Variants in EFCAB14 observed in about 807,000 individuals in gnomAD.
The protein encoded by EFCAB14 is EF-hand calcium binding domain 14, also known as EF-hand calcium-binding domain-containing protein 14.
EFCAB14 carries 43 observed loss-of-function variants against 56.5 expected under a neutral mutation model. The ratio of observed to expected loss-of-function variants is 0.76; its 90% CI spans 0.60 to 0.98. The LOEUF (loss-of-function observed/expected upper bound fraction) is 0.98. Ranked by LOEUF, EFCAB14 falls within the 50% of genes least tolerant of loss-of-function variation. The pLI, the probability that EFCAB14 is intolerant of heterozygous loss-of-function variation, is 0.00. For missense variants in EFCAB14, 538 were observed against 580.3 expected, an observed-to-expected ratio of 0.93 and a Z score of 0.75; for synonymous variants, 235 against 212.9, an observed-to-expected ratio of 1.10 and a Z score of -0.90.
At chr1:46,702,667 C>T (rs569732712) in intron 3 of EFCAB14, among the ~76,000 whole-genome samples, 1 of 152,290 alleles carries the variant, frequency 6.6e-6, no homozygotes, top group Admixed American at 6.5e-5. Flanking sequence ...TGGCAGTTAT[C>T]GTCAATACCA....
chr1:46,691,219 T>C (rs1222690556), intron 5 of EFCAB14, among the ~76,000 whole-genome samples: 1 of 152,136 alleles, frequency 6.6e-6, no homozygotes, highest in African/African-American at 2.4e-5. Context: ...TAACAAATTA[T>C]CCCAAAGCTT....
intron 10 of EFCAB14, among the ~76,000 whole-genome samples, chr1:46,681,554 T>C (rs867939761): frequency 1.3e-5 from 2 of 152,206 alleles, no homozygotes; most frequent in African/African-American, 2.4e-5. Context: ...ACTCCTACAA[T>C]AGGTGCAGCA....
chr1:46,711,480 T>C (rs1042406734), intron 2 of EFCAB14, among the ~76,000 whole-genome samples: 1 of 152,154 alleles, frequency 6.6e-6, no homozygotes, highest in East Asian at 1.9e-4. Flanking sequence ...GCCCTGAAAA[T>C]ATTCTGGATC....
At position 46,709,055 on chromosome 1, in the gene EFCAB14, A is replaced by C. The variant is rs1323260577; in HGVS notation, c.335-1004T>G. 3.3e-5 allele frequency among the ~76,000 whole-genome samples: 5 copies of C among 152,258 alleles called. No individual in the cohort carries two copies. In the South Asian group the frequency reaches 6.2e-4, roughly 19 times the overall value. ...ATAACTTCCTAAAATGTAAGCTCCA[A>C]GACTATTTTGTTCATTTCTACATGG... On this transcript the variant is annotated intron_variant, in intron 2 of 10. Transcript: ENST00000371933.
intron 3 of EFCAB14, among the ~76,000 whole-genome samples, chr1:46,707,224 C>A (rs1457807095): frequency 1.3e-5 from 2 of 152,176 alleles, no homozygotes; most frequent in African/African-American, 4.8e-5. Context: ...TTCTTTTCTA[C>A]ACATATACAT....
chr1:46,679,607 T>G (rs1447681314), intron 10 of EFCAB14, among the ~76,000 whole-genome samples: 2 of 61,324 alleles, frequency 3.3e-5, no homozygotes, highest in Non-Finnish European at 6.1e-5. Context: ...CTGTTTTTTT[T>G]TTTTTTTTTT....
At position 46,717,931 on chromosome 1, in the gene EFCAB14, CACCGAATTCCTCT is replaced by C. The variant is rs758166014; in HGVS notation, c.144_156del (p.Glu49TrpfsTer95). On this transcript the variant is annotated frameshift_variant, in exon 1 of 11. Coordinates refer to ENST00000371933, the MANE Select transcript of EFCAB14 (RefSeq NM_014774.3). LOFTEE classifies it high-confidence loss of function. Reference sequence around the variant, plus strand: ...GCAAAGCGAGAGCGATTTCCAACCACACCGAATTCCTCTTCCTCTTCGGAGCTGGACTCAGAGT... The same window carrying C: ...GCAAAGCGAGAGCGATTTCCAACCACTCCTCTTCGGAGCTGGACTCAGAGT... 1.2e-6 allele frequency: 2 copies of C among 1,614,054 alleles called. No homozygotes were observed. Among genetic ancestry groups the C allele is most frequent in the East Asian group, 4.5e-5 (2 of 44,874 alleles).
At chr1:46,699,668 A>G (rs1042697248) in intron 3 of EFCAB14, among the ~76,000 whole-genome samples, 1 of 152,220 alleles carries the variant, frequency 6.6e-6, no homozygotes, top group Non-Finnish European at 1.5e-5. Flanking sequence ...AATAATAACA[A>G]CAACAACTAT....
At chr1:46,687,029 G>T in intron 7 of EFCAB14, 159 bp from the exon 8 acceptor site, 1 of 651,050 alleles carries the variant, frequency 1.5e-6, no homozygotes. Flanking sequence ...TGGGAGGAGA[G>T]AGGGAGAAAG....
intron 1 of EFCAB14, among the ~76,000 whole-genome samples, chr1:46,717,649 T>C (rs1311062674): frequency 6.6e-6 from 1 of 152,226 alleles, no homozygotes; most frequent in African/African-American, 2.4e-5. Flanking sequence ...CCTGGGCTCT[T>C]GGCACATTCT....
intron 4 of EFCAB14, among the ~76,000 whole-genome samples, chr1:46,694,817 T>A (rs1296892444): frequency 1.3e-5 from 2 of 152,124 alleles, no homozygotes; most frequent in Non-Finnish European, 2.9e-5. Flanking sequence ...AGCAAAGACT[T>A]GGAACCAACC....
chr1:46,697,944 T>C (rs752329693), intron 3 of EFCAB14, among the ~76,000 whole-genome samples: 2 of 150,952 alleles, frequency 1.3e-5, no homozygotes, highest in Non-Finnish European at 2.9e-5. Flanking sequence ...CTCTGCCTCC[T>C]GGGTTCAAGT....
Position 46,716,322 on chromosome 1 carries a change from C to T in EFCAB14, c.307G>A (p.Asp103Asn). 1 of 1,612,282 alleles carries T rather than the reference C, an allele frequency of 6.2e-7. No homozygotes were observed. The highest frequency in any genetic ancestry group is 8.5e-7 in the Non-Finnish European group (1 of 1,179,406). ...WMQVALKEDL[D>N]ALKEKFRTME... Reference sequence around the variant, plus strand: ...GTTCGAAATTTTTCCTTGAGGGCATCCAGATCCTCCTTGAGAGCAACCTGC... The same window carrying T: ...GTTCGAAATTTTTCCTTGAGGGCATTCAGATCCTCCTTGAGAGCAACCTGC... Residue 103 changes from aspartate (D) to asparagine (N), a missense_variant, in exon 2 of 11, where the codon GAT (aspartate) becomes AAT (asparagine). Coordinates refer to ENST00000371933, the MANE Select transcript of EFCAB14 (RefSeq NM_014774.3).
At chr1:46,689,834 C>A (rs1243712965) in intron 5 of EFCAB14, 143 bp from the exon 6 acceptor site, 1 of 720,076 alleles carries the variant, frequency 1.4e-6, no homozygotes, top group Non-Finnish European at 2.3e-6. Flanking sequence ...AATGTACAGG[C>A]TAACCAGTCT....
Position 46,677,988 on chromosome 1 carries a change from T to C in EFCAB14, c.*473A>G, listed in dbSNP as rs1312276824. ...ACCATTCTTCCTACTTTCCACACAA[T>C]ATGCACAATGCTTTCTTTCATTTAA... On this transcript the variant is annotated 3_prime_UTR_variant, in exon 11 of 11. Transcript: ENST00000371933. 1 of 154,032 alleles carries C rather than the reference T, an allele frequency of 6.5e-6. No individual in the cohort carries two copies. Among genetic ancestry groups the C allele is most frequent in the East Asian group, 1.9e-4 (1 of 5,212 alleles). 9.5% of individuals were successfully genotyped at this position (154,032 alleles called of 1,614,324 possible).
chr1:46,692,429 T>G (rs1379591281), intron 4 of EFCAB14, among the ~76,000 whole-genome samples: 1 of 152,258 alleles, frequency 6.6e-6, no homozygotes, highest in Non-Finnish European at 1.5e-5. Context: ...CAGGTCTTCA[T>G]GTGGACTTAT....
intron 2 of EFCAB14, among the ~76,000 whole-genome samples, chr1:46,715,234 G>GT (rs1677369985): frequency 6.6e-6 from 1 of 152,156 alleles, no homozygotes; most frequent in Non-Finnish European, 1.5e-5. Flanking sequence ...AAAGAGATCT[G>GT]TAGGCACTTG....
intron 3 of EFCAB14, among the ~76,000 whole-genome samples, chr1:46,707,579 G>A (rs1347159172): frequency 6.6e-6 from 1 of 152,002 alleles, no homozygotes; most frequent in African/African-American, 2.4e-5. Flanking sequence ...ACTTTTCTTG[G>A]GGGTTAGATG....
intron 8 of EFCAB14, among the ~76,000 whole-genome samples, chr1:46,686,137 A>G (rs1569688727): frequency 6.6e-6 from 1 of 152,136 alleles, no homozygotes; most frequent in East Asian, 1.9e-4. Context: ...TAACACTCTA[A>G]TCAGAGAATA....
Sources: allele counts gnomAD v4.1 joint callset (sites outside exome capture counted in the v4.1 genomes callset), GRCh38; gene constraint gnomAD v4.1.1; transcripts MANE v1.5; gene names NCBI Gene and HGNC (gene_info 2026-07-23, HGNC 2026-07-21).